DARS1: variants seen among roughly 807,000 people sequenced by gnomAD.
DARS1 encodes the protein aspartyl-tRNA synthetase 1, also known as aspartate--tRNA ligase, cytoplasmic.
In DARS1, 51 loss-of-function variants were observed where a neutral mutation model predicts 68.8. The ratio of observed to expected loss-of-function variants is 0.74; its 90% CI spans 0.59 to 0.94. The LOEUF is 0.94. DARS1 is among the 40% of genes least tolerant of loss of function. The probability of loss-of-function intolerance (pLI) is 0.00; values close to 1 mark genes in which losing one functional copy is unlikely to be tolerated. For missense variants in DARS1, 607 were observed against 597.3 expected, an observed-to-expected ratio of 1.02 and a Z score of -0.17; for synonymous variants, 203 against 190.4, an observed-to-expected ratio of 1.07 and a Z score of -0.55.
intron 9 of DARS1, among the ~76,000 whole-genome samples, chr2:135,922,348 C>T (rs987596371): frequency 6.6e-6 from 1 of 152,138 alleles, no homozygotes; most frequent in African/African-American, 2.4e-5. Flanking sequence ...CTCTTCAGTG[C>T]TGATAGGGAG....
At chr2:135,968,096 C>G (rs536117479) in intron 3 of DARS1, among the ~76,000 whole-genome samples, 1 of 152,088 alleles carries the variant, frequency 6.6e-6, no homozygotes, top group Non-Finnish European at 1.5e-5. Context: ...CCCGACTCTA[C>G]TAAAAATATA....
In DARS1 at chr2:135,920,441, A is replaced by G. The variant is rs768986598; in HGVS notation, c.959+12T>C. The G allele has an allele frequency of 1.2e-6, 2 of 1,609,020 alleles. No homozygotes were observed. Among genetic ancestry groups the G allele is most frequent in the Non-Finnish European group, 1.7e-6 (2 of 1,178,164 alleles). ...AAATTAAGTCCATCTAGGTGCATAA[A>G]ATACTTTTTACCTTTCTTGAAGTCC... is the stretch of plus-strand genomic sequence containing the variant. On this transcript the variant is annotated intron_variant, in intron 10 of 15. Coordinates refer to ENST00000264161, the MANE Select transcript of DARS1 (RefSeq NM_001349.4).
intron 7 of DARS1, among the ~76,000 whole-genome samples, chr2:135,932,364 T>G (rs1681370636): frequency 6.6e-6 from 1 of 152,234 alleles, no homozygotes; most frequent in African/African-American, 2.4e-5. Context: ...TTTAATTTGG[T>G]GCTCCAATCA....
chr2:135,967,389 G>C (rs908086155), intron 3 of DARS1, among the ~76,000 whole-genome samples: 43 of 152,276 alleles, frequency 2.8e-4, no homozygotes, highest in African/African-American at 8.9e-4. Context: ...TTGTGCCAGT[G>C]CCTTCCACAT....
At chr2:135,932,527 C>A (rs1681374153) in intron 7 of DARS1, among the ~76,000 whole-genome samples, 1 of 152,168 alleles carries the variant, frequency 6.6e-6, no homozygotes, top group South Asian at 2.1e-4. Flanking sequence ...GAAGCAAGAT[C>A]ATTTACTGGC....
intron 9 of DARS1, 62 bp downstream of exon 9, chr2:135,922,722 C>T: frequency 6.9e-7 from 1 of 1,447,180 alleles, no homozygotes. Flanking sequence ...TAAAATGTTT[C>T]TAAAATTATA....
rs531048162 is a variant in DARS1, at chr2:135,935,048, C to G, written c.424-1058G>C. 2.6e-5 allele frequency among the ~76,000 whole-genome samples: 4 copies of G among 152,042 alleles called. No individual in the cohort carries two copies. The East Asian group carries it at 7.9e-4, about 30-fold the overall frequency. On this transcript the variant is annotated intron_variant, in intron 5 of 15. Coordinates refer to ENST00000264161, the MANE Select transcript of DARS1 (RefSeq NM_001349.4). ...TCGTGATCTGCCTGCAATGGCCTCC[C>G]AAAGTTCTGGGATTACAGGCATGAG...
intron 10 of DARS1, among the ~76,000 whole-genome samples, chr2:135,917,093 G>A (rs1483361413): frequency 6.6e-6 from 1 of 152,110 alleles, no homozygotes; most frequent in African/African-American, 2.4e-5. Flanking sequence ...CCTGAGAGGT[G>A]AAGGCTGCAG....
rs150141880 is a variant in DARS1, at chr2:135,934,547, G to C, written c.424-557C>G. Among the ~76,000 whole-genome samples the C allele has an allele frequency of 7.5e-3, 1,146 of 152,050 alleles. 11 individuals are homozygous for C. Among genetic ancestry groups the C allele is most frequent in the African/African-American group, 0.026 (1,080 of 41,498 alleles). On this transcript the variant is annotated intron_variant, in intron 5 of 15. Coordinates refer to ENST00000264161, the MANE Select transcript of DARS1 (RefSeq NM_001349.4). ...TGAGGCACAAGGATCACTTGAACCT[G>C]GGAGGCAGAGGTTGCAGTGAGCCAA...
Position 135,924,444 on chromosome 2 carries a change from G to A in DARS1, c.619C>T (p.Arg207Ter), listed in dbSNP as rs770664478. The A allele has an allele frequency of 2.5e-6, 4 of 1,609,364 alleles. No individual in the cohort carries two copies. The highest frequency in any genetic ancestry group is 1.3e-5 in the African/African-American group (1 of 74,574). Reference protein sequence around the residue: ...RLQSGICHLFRETLINKGFVE... With the variant: ...RLQSGICHLF ...AAACCTTTGTTAATTAAAGTTTCTC[G>A]GAAGAGATGGCAGATGCCAGACTGG... is the stretch of plus-strand genomic sequence containing the variant. Residue 207 changes from arginine to a stop codon, truncating the protein, a stop_gained, in exon 8 of 16, where the codon CGA becomes TGA. Coordinates refer to ENST00000264161, the MANE Select transcript of DARS1 (RefSeq NM_001349.4). LOFTEE classifies it high-confidence loss of function.
chr2:135,965,900 T>C (rs571547377), intron 3 of DARS1, among the ~76,000 whole-genome samples: 2 of 152,280 alleles, frequency 1.3e-5, no homozygotes, highest in South Asian at 2.1e-4. Context: ...CCCTGGTAAA[T>C]AGAACTGTCC....
intron 6 of DARS1, 81 bp from the exon 7 acceptor site, chr2:135,932,923 G>T: frequency 1.4e-6 from 1 of 722,110 alleles, no homozygotes; most frequent in Non-Finnish European, 2.3e-6. Context: ...TAGAAGCCAT[G>T]TTTACTTTTA....
rs113342018 is a variant in DARS1, at chr2:135,920,349, G to T, written c.959+104C>A. 7.4e-3 allele frequency: 10,612 copies of T among 1,443,174 alleles called. 219 individuals are homozygous for T. Among genetic ancestry groups the T allele is most frequent in the African/African-American group, 0.066 (4,579 of 69,060 alleles). 89.4% of individuals were successfully genotyped at this position (1,443,174 alleles called of 1,614,324 possible). On this transcript the variant is annotated intron_variant, in intron 10 of 15. Transcript: ENST00000264161. ...CTAACTGGTAAATCTTTATATATAT[G>T]TTCATAGAAACTTAAGTTTGTATGT...
At position 135,922,886 on chromosome 2, in the gene DARS1, C is replaced by T. The variant is rs758984824; in HGVS notation, c.709G>A (p.Val237Met). 5.7e-6 allele frequency: 9 copies of T among 1,567,300 alleles called. No individual in the cohort carries two copies. The highest frequency in any genetic ancestry group is 3.4e-4 in the Middle Eastern group (2 of 5,906). Residue 237 changes from valine to methionine, a missense_variant, in exon 9 of 16, where the codon GTG (valine) becomes ATG (methionine). Coordinates refer to ENST00000264161, the MANE Select transcript of DARS1 (RefSeq NM_001349.4). ...TATGCATTATTTTTAAAATATGACA[C>T]AGTAAAAACATTGGCTCCTCCTTCA... ...ASEGGANVFT[V>M]SYFKNNAYLA...
In DARS1 at chr2:135,932,858, A is replaced by G. The variant is rs2104810137; in HGVS notation, c.505-16T>C. 1 of 1,137,404 alleles carries G rather than the reference A, an allele frequency of 8.8e-7. No homozygotes were observed. Among genetic ancestry groups the G allele is most frequent in the Non-Finnish European group, 1.3e-6 (1 of 776,822 alleles). 70.5% of individuals were successfully genotyped at this position (1,137,404 alleles called of 1,614,324 possible). A position where few individuals can be genotyped will look rare whatever the true frequency, so the allele number is the denominator to read the frequency against. On this transcript the variant is annotated splice_polypyrimidine_tract_variant and intron_variant, in intron 6 of 15. Coordinates refer to ENST00000264161, the MANE Select transcript of DARS1 (RefSeq NM_001349.4). ...CTCTTCCTTCCTAAAAAAAAAAAAA[A>G]AGAAAAGAAAAAAATAAATTTTACT...
At chr2:135,961,699 C>A (rs558454749) in intron 3 of DARS1, among the ~76,000 whole-genome samples, 315 of 152,300 alleles carry the variant, frequency 2.1e-3, no homozygotes, top group African/African-American at 7.2e-3. Flanking sequence ...ACTCAAGTTC[C>A]TATGATGAGT....
At chr2:135,972,809 A>G (rs1381703556) in intron 3 of DARS1, among the ~76,000 whole-genome samples, 4 of 152,242 alleles carry the variant, frequency 2.6e-5, no homozygotes, top group African/African-American at 9.6e-5. Flanking sequence ...AATGGCAAAA[A>G]GGCATATGAA....
chr2:135,938,248 T>A (rs1681513981), intron 5 of DARS1, among the ~76,000 whole-genome samples: 1 of 152,250 alleles, frequency 6.6e-6, no homozygotes. Context: ...TGATCTTCAA[T>A]CACAGATACT....
chr2:135,985,328 T>TCCC, intron 1 of DARS1, 75 bp downstream of exon 1: 4 of 1,548,580 alleles, frequency 2.6e-6, no homozygotes, highest in Non-Finnish European at 3.5e-6. Flanking sequence ...AGGGCCCCAC[T>TCCC]CCCCCTCCTC....
Sources: allele counts gnomAD v4.1 joint callset (sites outside exome capture counted in the v4.1 genomes callset), GRCh38; gene constraint gnomAD v4.1.1; transcripts MANE v1.5; gene names NCBI Gene and HGNC (gene_info 2026-07-23, HGNC 2026-07-21).